PLEC: variants seen among roughly 807,000 people sequenced by gnomAD.
The protein encoded by PLEC is plectin.
PLEC carries 216 observed loss-of-function variants against 392.8 expected under a neutral mutation model. The ratio of observed to expected loss-of-function variants is 0.55; its 90% CI spans 0.49 to 0.62. The LOEUF is 0.62. Ranked by LOEUF, PLEC falls within the 20% of genes least tolerant of loss-of-function variation. The probability of loss-of-function intolerance (pLI) is 0.00; values close to 1 mark genes in which losing one functional copy is unlikely to be tolerated. For missense variants in PLEC, 6,863 were observed against 6,563.4 expected (o/e 1.05, Z -1.58); for synonymous variants, 3,621 against 2,980.6 (o/e 1.21, Z -7.00).
At position 143,916,388 on chromosome 8, in the gene PLEC, T is replaced by C; in HGVS notation, c.13433A>G (p.Tyr4478Cys). The stretch of plus-strand genomic sequence containing the variant: ...GGTAGAGCCGGAGCCGCTGACGCTG[T>C]AGGGGCTGTAGTAGCCCTTGGTGGA... ...AQSTKGYYSP[Y>C]SVSGSGSTAG... The change falls in exon 32 of 32, where the codon TAC (tyrosine) becomes TGC (cysteine). Residue 4478 changes from tyrosine (Y) to cysteine (C), a missense_variant. Coordinates refer to ENST00000345136, the MANE Select transcript of PLEC (RefSeq NM_201384.3). 1.9e-6 allele frequency: 3 copies of C among 1,610,936 alleles called. No homozygotes were observed. The highest frequency in any genetic ancestry group is 2.5e-6 in the Non-Finnish European group (3 of 1,179,088).
At chr8:143,944,034 C>CGCGG, upstream of PLEC, 2 of 1,297,774 alleles carry the variant, frequency 1.5e-6, no homozygotes, top group Non-Finnish European at 2.1e-6. Context: ...CCGCCCCATA[C>CGCGG]GCGGCGGCAG....
chr8:143,930,345 C>T lies in PLEC; in HGVS notation c.2457+39G>A, dbSNP rs782050064. 3.2e-4 allele frequency: 502 copies of T among 1,583,314 alleles called. 2 individuals are homozygous for T. In the Admixed American group the frequency reaches 8.2e-3, roughly 26 times the overall value. ...AGGACATGGCCACACCCTGCCCTGC[C>T]TGGCCACGCCCCCCAGTGGACCCCC... is the stretch of plus-strand genomic sequence containing the variant. On this transcript the variant is annotated intron_variant, in intron 20 of 31. Transcript: ENST00000345136.
intron 10 of PLEC, 51 bp downstream of exon 10, chr8:143,934,580 TTTCA>T: frequency 6.2e-7 from 1 of 1,602,940 alleles, no homozygotes; most frequent in Non-Finnish European, 8.5e-7. Flanking sequence ...CGGAAGAACC[TTTCA>T]GGCCTGGGGC....
At chr8:143,975,253 G>A (rs782124379), upstream of PLEC, 3 of 1,608,014 alleles carry the variant, frequency 1.9e-6, no homozygotes, top group African/African-American at 2.7e-5. This position sits in a 1 kb window ranked among gnomAD's most constrained non-coding sequence, Gnocchi z 9.9. Flanking sequence ...CGCTGCGCCG[G>A]CTCCGCTGCG....
In PLEC at chr8:143,939,573, CG is replaced by C; in HGVS notation, c.-113del. 6.6e-7 allele frequency: 1 copy of C among 1,524,986 alleles called. No individual in the cohort carries two copies. The highest frequency in any genetic ancestry group is 8.8e-7 in the Non-Finnish European group (1 of 1,138,994). The allele number at this position is 1,524,986 out of a possible 1,614,324, so 94.5% of individuals were successfully genotyped here. Reference sequence around the variant, plus strand: ...CTGGCGGCCCCACGAGACGCTCACTCGGCACAGGCTCAGCTCAGAGCCCCAG... The same window carrying C: ...CTGGCGGCCCCACGAGACGCTCACTCGCACAGGCTCAGCTCAGAGCCCCAG... On this transcript the variant is annotated 5_prime_UTR_variant, in exon 1 of 32. Coordinates refer to ENST00000345136, the MANE Select transcript of PLEC (RefSeq NM_201384.3).
rs1219413801 is a variant in PLEC, at chr8:143,961,249, A to G, written c.70+12154T>C. ...AAATTCCTTTTTTTTTTTTTGAGAC[A>G]GAGTCTTGCCCTGTCGCCCAGGCTG... On this transcript the variant is annotated intron_variant, in intron 1 of 31. Transcript: ENST00000356346. 3.3e-5 allele frequency among the ~76,000 whole-genome samples: 5 copies of G among 150,630 alleles called. No individual in the cohort carries two copies. In the South Asian group the frequency reaches 8.7e-4, roughly 26 times the overall value.
rs782296724 is a variant in PLEC at position 143,920,776 on chromosome 8, A to G, written c.9045T>C (p.Thr3015=). Residue 3015 remains threonine, a synonymous_variant, in exon 32 of 32, where the codon ACT becomes ACC. Coordinates refer to ENST00000345136, the MANE Select transcript of PLEC (RefSeq NM_201384.3). ...RSVRDVAEVD[T]VRRALRGANV... ...TGGCACCCCGGAGAGCCCGCCGCAC[A>G]GTGTCCACCTCGGCTACGTCTCGCA... is the stretch of plus-strand genomic sequence containing the variant. 1.1e-5 allele frequency: 17 copies of G among 1,606,970 alleles called. No homozygotes were observed. The South Asian group carries it at 1.8e-4, about 17-fold the overall frequency.
chr8:143,922,319 C>A lies in PLEC; in HGVS notation c.7502G>T (p.Ser2501Ile), dbSNP rs782359358. The change falls in exon 32 of 32, where the codon AGC becomes ATC. Residue 2501 changes from serine to isoleucine, a missense_variant. Transcript: ENST00000345136. ...LQQSFLSEKD[S>I]LLQRERFIEQ... is the part of the protein sequence containing the mutation. ...GATGAAGCGCTCCCGCTGTAGCAGGCTGTCCTTTTCAGAGAGGAAGCTTTG... is the reference window on the plus strand; with the variant it reads ...GATGAAGCGCTCCCGCTGTAGCAGGATGTCCTTTTCAGAGAGGAAGCTTTG... The A allele has an allele frequency of 3.1e-6, 5 of 1,607,400 alleles. No individual in the cohort carries two copies. In the East Asian group the frequency reaches 6.7e-5, roughly 21 times the overall value.
upstream of PLEC, among the ~76,000 whole-genome samples, chr8:143,944,113 C>T (rs1218767717): frequency 6.6e-6 from 1 of 152,052 alleles, no homozygotes; most frequent in Non-Finnish European, 1.5e-5. Context: ...CGCCTCCCCA[C>T]CCTCGCTCCC....
At chr8:143,942,216 G>A (rs1411700480), upstream of PLEC, among the ~76,000 whole-genome samples, 1 of 151,990 alleles carries the variant, frequency 6.6e-6, no homozygotes, top group African/African-American at 2.4e-5. Flanking sequence ...TGGGGGTAGG[G>A]GAACATCACC....
intron 1 of PLEC, among the ~76,000 whole-genome samples, chr8:143,972,408 C>A (rs1309956460): frequency 6.6e-6 from 1 of 152,234 alleles, no homozygotes; most frequent in Non-Finnish European, 1.5e-5. Context: ...CCACCCTGCC[C>A]CAGAGCCGTC....
At position 143,923,643 on chromosome 8, in the gene PLEC, C is replaced by T. The variant is rs782248196; in HGVS notation, c.6286G>A (p.Ala2096Thr). 6.3e-7 allele frequency: 1 copy of T among 1,575,684 alleles called. No homozygotes were observed. Among genetic ancestry groups the T allele is most frequent in the South Asian group, 1.1e-5 (1 of 88,598 alleles). Residue 2096 changes from alanine (A) to threonine (T), a missense_variant, in exon 31 of 32, where the codon GCC (alanine) becomes ACC (threonine). Physicochemically the swap from Ala to Thr is moderately conservative, Grantham distance 58. Transcript: ENST00000345136. Reference sequence around the variant, plus strand: ...GCCTCACGCTCCGCCTGCACCCGGGCCTCCTCCGCCTCCTCAGCCGCCCGC... The same window carrying T: ...GCCTCACGCTCCGCCTGCACCCGGGTCTCCTCCGCCTCCTCAGCCGCCCGC... ...ARRAAEEAEE[A>T]RVQAEREAAQ...
chr8:143,946,361 T>G (rs1554732219), intron 1 of PLEC: 3 of 1,288,886 alleles, frequency 2.3e-6, no homozygotes, highest in Non-Finnish European at 3.0e-6. Context: ...TTGGCCCAGC[T>G]GAATCAGCTC....
chr8:143,923,881 G>A lies in PLEC; in HGVS notation c.6048C>T (p.Ala2016=), dbSNP rs1564028745. 1 of 1,594,116 alleles carries A rather than the reference G, an allele frequency of 6.3e-7. No homozygotes were observed. The highest frequency in any genetic ancestry group is 8.5e-7 in the Non-Finnish European group (1 of 1,177,788). The change falls in exon 31 of 32, where the codon GCC becomes GCT. Residue 2016 remains alanine, a synonymous_variant. Coordinates refer to ENST00000345136, the MANE Select transcript of PLEC (RefSeq NM_201384.3). ...AALEEVERLK[A]KVEEARRLRE... is the part of the protein sequence containing the mutation. Reference sequence around the variant, plus strand: ...GCAGGCGCCGCGCCTCCTCCACCTTGGCTTTCAGCCGCTCGACTTCCTCCA... The same window carrying A: ...GCAGGCGCCGCGCCTCCTCCACCTTAGCTTTCAGCCGCTCGACTTCCTCCA...
intron 1 of PLEC, among the ~76,000 whole-genome samples, chr8:143,967,154 G>A (rs955649336): frequency 1.3e-5 from 2 of 151,940 alleles, no homozygotes; most frequent in African/African-American, 4.8e-5. Flanking sequence ...ACGAGGTCAG[G>A]AGATCGAGAC....
At chr8:143,952,063 GGA>G (rs1390920058), upstream of PLEC, among the ~76,000 whole-genome samples, 2 of 152,352 alleles carry the variant, frequency 1.3e-5, no homozygotes, top group Non-Finnish European at 1.5e-5. Flanking sequence ...GGGGGGAGTG[GGA>G]GAGAGGGGGG....
exon 1 of PLEC, chr8:143,950,618 T>G: frequency 6.2e-7 from 1 of 1,603,244 alleles, no homozygotes; most frequent in Non-Finnish European, 8.5e-7. Flanking sequence ...GGGCCGCCGG[T>G]CCTTCTTGGC....
At position 143,925,357 on chromosome 8, in the gene PLEC, C is replaced by T; in HGVS notation, c.4572G>A (p.Glu1524=). 6.4e-7 allele frequency: 1 copy of T among 1,555,344 alleles called. No homozygotes were observed. Among genetic ancestry groups the T allele is most frequent in the Non-Finnish European group, 8.6e-7 (1 of 1,157,926 alleles). ...GCTGCTTCTCGCGCGCCGCCTCGGC[C>T]TCGGCCTTCACGCGCGAGGCCAGCT... ...EVELASRVKA[E]AEAAREKQRA... The change falls in exon 31 of 32, where the codon GAG becomes GAA. Residue 1524 remains glutamate, a synonymous_variant. Coordinates refer to ENST00000345136, the MANE Select transcript of PLEC (RefSeq NM_201384.3).
At position 143,921,243 on chromosome 8, in the gene PLEC, C is replaced by T. The variant is rs782398879; in HGVS notation, c.8578G>A (p.Glu2860Lys). 8 of 1,614,096 alleles carry T rather than the reference C, an allele frequency of 5.0e-6. No homozygotes were observed. The highest frequency in any genetic ancestry group is 5.9e-6 in the Non-Finnish European group (7 of 1,180,046). ...AGTAGCTGCAGGTACGTGAGGTTCT[C>T]GTGCGTGTTGGGGTCAAAGAAGCCC... Reference protein sequence around the residue: ...TKGFFDPNTHENLTYLQLLER... With the variant: ...TKGFFDPNTHKNLTYLQLLER... Residue 2860 changes from glutamate (E) to lysine (K), a missense_variant, in exon 32 of 32, where the codon GAG becomes AAG. Transcript: ENST00000345136.
Sources: gnomAD v4.1 joint callset for allele counts (sites outside exome capture counted in the v4.1 genomes callset) on GRCh38, gnomAD v4.1.1 for gene constraint, Gnocchi (gnomAD v3.1) non-coding constraint, MANE v1.5 for transcripts, NCBI Gene and HGNC (gene_info 2026-07-23, HGNC 2026-07-21) for gene names.